RIMS1: variants seen among roughly 807,000 people sequenced by gnomAD.
The protein encoded by RIMS1 is regulating synaptic membrane exocytosis protein 1.
Under a neutral mutation model 214.1 loss-of-function variants are expected in RIMS1, and 83 were observed. That is an observed-to-expected ratio of 0.39 (90% CI 0.32 to 0.47). The LOEUF is 0.47. Ranked by LOEUF, RIMS1 falls within the 20% of genes least tolerant of loss-of-function variation. RIMS1 has a pLI of 0.99. For synonymous variants in RIMS1, 793 were observed against 786.8 expected (o/e 1.01, Z -0.13); for missense variants, 2,050 against 2,161.8 (o/e 0.95, Z 1.03).
intron 2 of RIMS1, among the ~76,000 whole-genome samples, chr6:71,999,486 T>C (rs1315476684): frequency 2.0e-5 from 3 of 152,154 alleles, no homozygotes; most frequent in Non-Finnish European, 4.4e-5. Context: ...CTACAAATTA[T>C]GTATTTGTGC....
At chr6:71,945,602 G>C (rs1385397950) in intron 1 of RIMS1, among the ~76,000 whole-genome samples, 2 of 152,034 alleles carry the variant, frequency 1.3e-5, no homozygotes, top group Non-Finnish European at 2.9e-5. Flanking sequence ...CCTAAGATCA[G>C]AAACAAGACA....
chr6:72,388,825 T>C (rs181578762), intron 29 of RIMS1, among the ~76,000 whole-genome samples: 54 of 152,204 alleles, frequency 3.5e-4, no homozygotes, highest in African/African-American at 1.3e-3. Flanking sequence ...GGGAGGAGGA[T>C]TTAGTAGTGG....
rs906478574 is a variant in RIMS1 at position 72,258,407 on chromosome 6, T to C, written c.2927+126T>C. 15 of 1,055,982 alleles carry C rather than the reference T, an allele frequency of 1.4e-5. No homozygotes were observed. The Admixed American group carries it at 3.0e-4, about 21-fold the overall frequency. 65.4% of individuals were successfully genotyped at this position (1,055,982 alleles called of 1,614,324 possible). On this transcript the variant is annotated intron_variant, in intron 17 of 33. Transcript: ENST00000521978. ...AAATTATTTTTTTCAGAATTAATTG[T>C]AGGCAAAATTTTTTTTATTCTTTAT...
chr6:71,978,586 A>G (rs949459515), intron 2 of RIMS1, among the ~76,000 whole-genome samples: 2 of 152,094 alleles, frequency 1.3e-5, no homozygotes, highest in African/African-American at 4.8e-5. Context: ...TCAAGAAGAA[A>G]AAGAATATGT....
chr6:72,043,070 A>G (rs933351121), intron 2 of RIMS1, among the ~76,000 whole-genome samples: 1 of 151,598 alleles, frequency 6.6e-6, no homozygotes, highest in South Asian at 2.1e-4. Context: ...CACTACACCC[A>G]CTTGGTACTA....
chr6:71,941,144 T>C (rs957188215), intron 1 of RIMS1, among the ~76,000 whole-genome samples: 10 of 152,270 alleles, frequency 6.6e-5, no homozygotes, highest in African/African-American at 2.4e-4. Flanking sequence ...TTTAGTTCAG[T>C]ACTCACCGAA....
chr6:72,237,943 A>G (rs754824808), intron 9 of RIMS1, 21 bp downstream of exon 9: 1 of 1,541,678 alleles, frequency 6.5e-7, no homozygotes, highest in Admixed American at 1.8e-5. Flanking sequence ...TTTTTTTAAT[A>G]TTTAAACAGT....
intron 1 of RIMS1, among the ~76,000 whole-genome samples, chr6:71,915,957 T>C (rs1002877971): frequency 3.3e-5 from 5 of 152,024 alleles, no homozygotes; most frequent in African/African-American, 9.7e-5. Flanking sequence ...ATGAGACTTA[T>C]TCATTATCAT....
intron 16 of RIMS1, among the ~76,000 whole-genome samples, chr6:72,253,903 G>A (rs1198989727): frequency 1.3e-5 from 2 of 152,100 alleles, no homozygotes. Context: ...GTCTCACTCT[G>A]CTGCTAGGCT....
At chr6:72,064,531 G>A (rs1828790639) in intron 2 of RIMS1, among the ~76,000 whole-genome samples, 1 of 152,186 alleles carries the variant, frequency 6.6e-6, no homozygotes, top group African/African-American at 2.4e-5. Context: ...TGCATAAAGG[G>A]AAGAAGATCA....
chr6:72,329,232 G>T (rs1384800355), intron 28 of RIMS1, among the ~76,000 whole-genome samples: 2 of 151,744 alleles, frequency 1.3e-5, no homozygotes, highest in Non-Finnish European at 2.9e-5. Flanking sequence ...TGTCTTTGGT[G>T]GGACTTCCAG....
At chr6:71,926,100 T>C (rs1391528217) in intron 1 of RIMS1, among the ~76,000 whole-genome samples, 1 of 152,192 alleles carries the variant, frequency 6.6e-6, no homozygotes, top group South Asian at 2.1e-4. Flanking sequence ...CCAGTCTCAC[T>C]CTGTCACCAG....
intron 23 of RIMS1, among the ~76,000 whole-genome samples, chr6:72,278,376 G>T (rs2087916616): frequency 6.6e-6 from 1 of 152,038 alleles, no homozygotes; most frequent in East Asian, 1.9e-4. Context: ...AACCAAATTT[G>T]TGTAGTTTCC....
intron 1 of RIMS1, among the ~76,000 whole-genome samples, chr6:71,924,807 CAAA>C (rs10652071): frequency 3.2e-5 from 2 of 62,078 alleles, no homozygotes; most frequent in African/African-American, 6.6e-5. Context: ...ACCCTGTCTC[CAAA>C]AAAAAAAAAA....
chr6:72,129,975 T>C (rs757401904), intron 4 of RIMS1, among the ~76,000 whole-genome samples: 16 of 152,214 alleles, frequency 1.1e-4, no homozygotes, highest in Non-Finnish European at 2.4e-4. Flanking sequence ...AGTTTTCTTT[T>C]CTACCTACAT....
chr6:72,111,849 C>A (rs1168564270), intron 4 of RIMS1, among the ~76,000 whole-genome samples: 1 of 152,134 alleles, frequency 6.6e-6, no homozygotes, highest in Non-Finnish European at 1.5e-5. Flanking sequence ...ATTCAGATTT[C>A]TTTCCCCACA....
intron 4 of RIMS1, among the ~76,000 whole-genome samples, chr6:72,111,600 T>C (rs560843106): frequency 6.6e-6 from 1 of 152,326 alleles, no homozygotes; most frequent in East Asian, 1.9e-4. Flanking sequence ...TGGTTTGTTT[T>C]TGGACTTTTA....
In RIMS1 at chr6:72,398,328, G is replaced by GGCGA; in HGVS notation, c.4698_4699insGCGA (p.Pro1567AlafsTer36). The GGCGA allele has an allele frequency of 6.2e-7, 1 of 1,605,932 alleles. No homozygotes were observed. The highest frequency in any genetic ancestry group is 8.5e-7 in the Non-Finnish European group (1 of 1,176,174). On this transcript the variant is annotated frameshift_variant, in exon 32 of 34. Coordinates refer to ENST00000521978, the MANE Select transcript of RIMS1 (RefSeq NM_014989.7). LOFTEE classifies it high-confidence loss of function. ...TTAGAGCACGAAGCCTCACACAAAA[G>GGCGA]CCTGGTTCCAAATCTACACCTGGTA...
chr6:72,380,999 T>C (rs1170441013), intron 29 of RIMS1, among the ~76,000 whole-genome samples: 6 of 152,230 alleles, frequency 3.9e-5, no homozygotes, highest in African/African-American at 1.4e-4. Flanking sequence ...ATCCACTCCC[T>C]AAATGTGTTT....
Sources: gnomAD v4.1 joint callset for allele counts (sites outside exome capture counted in the v4.1 genomes callset) on GRCh38, gnomAD v4.1.1 for gene constraint, MANE v1.5 for transcripts, NCBI Gene and HGNC (gene_info 2026-07-23, HGNC 2026-07-21) for gene names.